Variants in KAZN observed in about 807,000 individuals in gnomAD.
KAZN encodes kazrin, periplakin interacting protein.
Under a neutral mutation model 87.4 loss-of-function variants are expected in KAZN, and 40 were observed. The ratio of observed to expected loss-of-function variants is 0.46; its 90% CI spans 0.36 to 0.60. The LOEUF is 0.60. Among genes scored for constraint, KAZN ranks in the 20% least tolerant of loss-of-function variants. The pLI, the probability that KAZN is intolerant of heterozygous loss-of-function variation, is 0.00. For missense variants in KAZN, 898 were observed against 1,073.9 expected (o/e 0.84, Z 2.29); for synonymous variants, 466 against 458.3 (o/e 1.02, Z -0.22).
intron 1 of KAZN, among the ~76,000 whole-genome samples, chr1:14,165,462 C>T (rs12022342): frequency 0.028 from 4,271 of 152,104 alleles, 204 homozygotes; most frequent in African/African-American, 0.097. Flanking sequence ...GCCTCCTGTC[C>T]GTGGCTCACC....
Position 14,856,429 on chromosome 1 carries a change from G to A in KAZN, c.227-104255G>A, listed in dbSNP as rs1650115782. ...AGGCAATATTTCCATAGGTGGCATA[G>A]CTAAAGACATTACAAAGGGCTGGGA... On this transcript the variant is annotated intron_variant, in intron 1 of 14. Coordinates refer to ENST00000376030, the MANE Select transcript of KAZN (RefSeq NM_201628.3). This position sits in a 1 kb window ranked among gnomAD's most constrained non-coding sequence, Gnocchi z 5.2. 6.6e-6 allele frequency among the ~76,000 whole-genome samples: 1 copy of A among 152,176 alleles called. No homozygotes were observed. The highest frequency in any genetic ancestry group is 1.9e-4 in the East Asian group (1 of 5,198).
At chr1:14,174,510 T>C (rs1194214429) in intron 1 of KAZN, among the ~76,000 whole-genome samples, 1 of 152,176 alleles carries the variant, frequency 6.6e-6, no homozygotes, top group African/African-American at 2.4e-5. Context: ...AGGCTCTAAA[T>C]GGCTAAACAT....
chr1:14,284,774 C>T (rs1653109343), intron 2 of KAZN, among the ~76,000 whole-genome samples: 2 of 152,170 alleles, frequency 1.3e-5, no homozygotes, highest in Admixed American at 6.5e-5. Flanking sequence ...TCACACATAC[C>T]TTGAGAAGTA....
chr1:14,015,635 C>G (rs1810485), intron 1 of KAZN, among the ~76,000 whole-genome samples: 135,186 of 147,276 alleles, frequency 0.92, 62,342 homozygotes, highest in Non-Finnish European at 0.96. Context: ...TGCCTGCCAC[C>G]ACACCCAGCT....
At chr1:14,210,589 A>C (rs570381364) in intron 2 of KAZN, among the ~76,000 whole-genome samples, 2 of 152,300 alleles carry the variant, frequency 1.3e-5, no homozygotes, top group Non-Finnish European at 2.9e-5. Flanking sequence ...GGTTAGAACT[A>C]ACCCCATTGC....
chr1:14,319,678 C>T (rs935627795), intron 2 of KAZN, among the ~76,000 whole-genome samples: 1 of 152,198 alleles, frequency 6.6e-6, no homozygotes, highest in African/African-American at 2.4e-5. Context: ...CCGGGCAGAA[C>T]ATCAGGGCAG....
intron 1 of KAZN, among the ~76,000 whole-genome samples, chr1:14,680,234 G>T (rs1358256134): frequency 6.6e-6 from 1 of 152,102 alleles, no homozygotes; most frequent in Non-Finnish European, 1.5e-5. Flanking sequence ...TACACTGATG[G>T]TAATTCACAC....
intron 2 of KAZN, among the ~76,000 whole-genome samples, chr1:15,008,264 T>C (rs989086855): frequency 6.6e-6 from 1 of 152,102 alleles, no homozygotes; most frequent in African/African-American, 2.4e-5. Context: ...GCCAGAGTCG[T>C]GGAGGAAAGA....
chr1:14,855,669 A>G (rs954064709), intron 1 of KAZN, among the ~76,000 whole-genome samples: 15 of 152,308 alleles, frequency 9.8e-5, no homozygotes, highest in Admixed American at 2.6e-4. Flanking sequence ...AGGAAAGGGA[A>G]CTAGCTCATA....
chr1:14,435,049 C>G (rs1359152880), intron 2 of KAZN, among the ~76,000 whole-genome samples: 2 of 152,120 alleles, frequency 1.3e-5, no homozygotes, highest in Admixed American at 1.3e-4. Context: ...TGGGAAAGAA[C>G]CTCAGCCAGG....
At chr1:13,934,776 T>C (rs1050140049) in intron 1 of KAZN, among the ~76,000 whole-genome samples, 17 of 148,278 alleles carry the variant, frequency 1.1e-4, no homozygotes, top group Admixed American at 9.4e-4. Context: ...AGATTCACTC[T>C]ATTTACTTGG....
intron 1 of KAZN, among the ~76,000 whole-genome samples, chr1:14,616,938 C>T (rs1054005093): frequency 6.6e-6 from 1 of 152,210 alleles, no homozygotes; most frequent in Non-Finnish European, 1.5e-5. Flanking sequence ...TATGCTGTCC[C>T]TTACAAGTCC....
At chr1:14,056,907 G>T (rs1318438774) in intron 1 of KAZN, among the ~76,000 whole-genome samples, 1 of 151,980 alleles carries the variant, frequency 6.6e-6, no homozygotes, top group Non-Finnish European at 1.5e-5. Context: ...GGCCAGGTTT[G>T]GTGGCTCATG....
Position 14,918,655 on chromosome 1 carries a change from G to A in KAZN, c.227-42029G>A, listed in dbSNP as rs137993745. Among the ~76,000 whole-genome samples, 344 of 130,042 alleles carry A rather than the reference G, an allele frequency of 2.6e-3. 8 individuals are homozygous for A. The East Asian group carries it at 0.039, about 15-fold the overall frequency. The allele number at this position is 130,042 out of a possible 152,430, so 85.3% of individuals were successfully genotyped here. ...TGCGCCACTGAAGTCCAGCCTGGGC[G>A]ACAGAGTAAGACTCCATCTCAAAAA... is the stretch of plus-strand genomic sequence containing the variant. On this transcript the variant is annotated intron_variant, in intron 1 of 14. Coordinates refer to ENST00000376030, the MANE Select transcript of KAZN (RefSeq NM_201628.3).
intron 1 of KAZN, among the ~76,000 whole-genome samples, chr1:13,954,072 A>G (rs753241180): frequency 2.6e-5 from 4 of 152,206 alleles, no homozygotes; most frequent in Non-Finnish European, 5.9e-5. Context: ...ATTCAGATGA[A>G]TGAGTGGCTG....
intron 1 of KAZN, among the ~76,000 whole-genome samples, chr1:14,874,536 GGCTAACTTAACTACTGCA>G (rs558641056): frequency 2.0e-5 from 3 of 151,560 alleles, no homozygotes; most frequent in Middle Eastern, 6.8e-3. Context: ...ATGGATGGAA[GGCTAACTTAACTACTGCA>G]GCTAACTTAA....
chr1:14,067,577 A>T (rs1367484687), intron 1 of KAZN, among the ~76,000 whole-genome samples: 2 of 152,200 alleles, frequency 1.3e-5, no homozygotes, highest in East Asian at 3.9e-4. Context: ...CTGGTGCCTC[A>T]TGCTGCTCTG....
intron 2 of KAZN, among the ~76,000 whole-genome samples, chr1:14,317,319 A>G (rs12566164): frequency 0.11 from 16,794 of 151,384 alleles, 1,002 homozygotes; most frequent in East Asian, 0.23. Flanking sequence ...AGCCTATTTC[A>G]TTGATGTCAA....
At chr1:14,919,764 T>A (rs2690029) in intron 1 of KAZN, among the ~76,000 whole-genome samples, 107,768 of 152,118 alleles carry the variant, frequency 0.71, 38,706 homozygotes, top group Admixed American at 0.78. Context: ...CGTAAGATTA[T>A]ACTGTATTTT....
Sources: allele counts gnomAD v4.1 joint callset (sites outside exome capture counted in the v4.1 genomes callset), GRCh38; gene constraint gnomAD v4.1.1; non-coding constraint Gnocchi (gnomAD v3.1); transcripts MANE v1.5; gene names NCBI Gene and HGNC (gene_info 2026-07-23, HGNC 2026-07-21).